The following RTN3 variants were observed in gnomAD, a reference collection of about 807,000 sequenced individuals.
The protein encoded by RTN3 is reticulon 3, also known as reticulon-3.
A neutral mutation model predicts 77.8 loss-of-function variants in RTN3; 49 were observed. The observed-to-expected ratio is 0.63, with a 90% confidence interval of 0.50 to 0.80. RTN3 has a LOEUF of 0.80. Among genes scored for constraint, RTN3 ranks in the 30% least tolerant of loss-of-function variants. The pLI is 0.00. For synonymous variants in RTN3, 464 were observed against 446.9 expected, an observed-to-expected ratio of 1.04 and a Z score of -0.48; for missense variants, 1,236 against 1,211.9, an observed-to-expected ratio of 1.02 and a Z score of -0.29.
chr11:63,707,862 A>G (rs1942574770), intron 2 of RTN3, among the ~76,000 whole-genome samples: 1 of 152,172 alleles, frequency 6.6e-6, no homozygotes, highest in African/African-American at 2.4e-5. Flanking sequence ...AGAATGCCCT[A>G]TCCTCGAATG....
At chr11:63,706,972 G>A (rs1439050815) in intron 2 of RTN3, among the ~76,000 whole-genome samples, 1 of 149,554 alleles carries the variant, frequency 6.7e-6, no homozygotes, top group Non-Finnish European at 1.5e-5. Context: ...TCTCAGCTCA[G>A]TGCAACCTCC....
chr11:63,714,276 G>A (rs2011264218), intron 2 of RTN3: 1 of 342,708 alleles, frequency 2.9e-6, no homozygotes, highest in Admixed American at 4.0e-5. Context: ...TCTACATGTG[G>A]GAAAGCTTGA....
intron 4 of RTN3, among the ~76,000 whole-genome samples, chr11:63,751,075 G>A (rs1270546700): frequency 6.6e-6 from 1 of 151,968 alleles, no homozygotes; most frequent in Non-Finnish European, 1.5e-5. Flanking sequence ...TACCATATTG[G>A]TCAGGCTGGT....
chr11:63,682,771 C>G (rs539678923), intron 1 of RTN3, among the ~76,000 whole-genome samples: 1 of 152,156 alleles, frequency 6.6e-6, no homozygotes, highest in South Asian at 2.1e-4. Flanking sequence ...ACGCGTCTGC[C>G]TGCTGGTAAG....
intron 3 of RTN3, among the ~76,000 whole-genome samples, chr11:63,748,691 G>A (rs1299012243): frequency 9.3e-5 from 12 of 128,454 alleles, no homozygotes; most frequent in Non-Finnish European, 6.5e-5. Context: ...TTTTTTAGAC[G>A]GAGTTTCGCT....
chr11:63,715,594 G>A (rs186827070), intron 2 of RTN3, among the ~76,000 whole-genome samples: 39 of 152,168 alleles, frequency 2.6e-4, no homozygotes, highest in African/African-American at 9.2e-4. Context: ...GGGGGCGGAG[G>A]TTGCAGTGAG....
chr11:63,757,293 A>G (rs771979146), intron 8 of RTN3, among the ~76,000 whole-genome samples: 24 of 152,106 alleles, frequency 1.6e-4, no homozygotes, highest in Non-Finnish European at 3.5e-4. Flanking sequence ...TCTTCTTTTT[A>G]CTTTTTTTCC....
At chr11:63,710,103 TCTAA>T (rs1392329538) in intron 2 of RTN3, among the ~76,000 whole-genome samples, 6 of 152,242 alleles carry the variant, frequency 3.9e-5, no homozygotes, top group South Asian at 2.1e-4. Flanking sequence ...TAAATCTTTA[TCTAA>T]GAGACACTTT....
At chr11:63,692,756 G>A (rs1482833111) in intron 1 of RTN3, among the ~76,000 whole-genome samples, 2 of 149,576 alleles carry the variant, frequency 1.3e-5, no homozygotes, top group African/African-American at 4.9e-5. Context: ...GCGAGACTCC[G>A]TCTCAAAAAA....
chr11:63,720,384 A>G lies in RTN3; in HGVS notation c.1882A>G (p.Asn628Asp), dbSNP rs755288155. The G allele has an allele frequency of 5.0e-6, 8 of 1,614,132 alleles. No individual in the cohort carries two copies. The change falls in exon 3 of 9, where the codon AAT becomes GAT. Residue 628 changes from asparagine (N) to aspartate (D), a missense_variant. Physicochemically the swap from Asn to Asp is conservative, Grantham distance 23 (BLOSUM62 1). This residue lies in a region of RTN3 where 1,056 missense variants were observed against 990.4 expected (regional missense o/e 1.07). Coordinates refer to ENST00000377819, the MANE Select transcript of RTN3 (RefSeq NM_001265589.2). ...NVFNETEFSL[N>D]VTTSAYLESL... The stretch of plus-strand genomic sequence containing the variant: ...TTTTAATGAGACAGAATTCTCATTA[A>G]ATGTGACAACATCTGCCTATTTGGA...
chr11:63,707,027 T>G (rs1316484093), intron 2 of RTN3, among the ~76,000 whole-genome samples: 2 of 151,818 alleles, frequency 1.3e-5, no homozygotes, highest in Non-Finnish European at 2.9e-5. Context: ...GCCTCCTGAG[T>G]AGCTGGGATT....
At chr11:63,686,192 C>T (rs1048803637) in intron 1 of RTN3, among the ~76,000 whole-genome samples, 4 of 152,194 alleles carry the variant, frequency 2.6e-5, no homozygotes, top group Middle Eastern at 3.4e-3. Context: ...GTAACTTGGC[C>T]GGGCACGGTG....
intron 7 of RTN3, 46 bp downstream of exon 7, chr11:63,753,754 A>C: frequency 6.6e-7 from 1 of 1,510,932 alleles, no homozygotes; most frequent in Non-Finnish European, 9.2e-7. Context: ...TTGATGTATG[A>C]CTAGTTGTAG....
At chr11:63,746,546 G>A (rs907878112) in intron 3 of RTN3, among the ~76,000 whole-genome samples, 3 of 150,624 alleles carry the variant, frequency 2.0e-5, no homozygotes, top group Non-Finnish European at 4.4e-5. Context: ...ACGGAGTCTC[G>A]CTCTGTTGCC....
Position 63,720,476 on chromosome 11 carries a change from T to C in RTN3, c.1974T>C (p.Phe658=). 6.2e-7 allele frequency: 1 copy of C among 1,613,368 alleles called. No homozygotes were observed. Among genetic ancestry groups the C allele is most frequent in the Non-Finnish European group, 8.5e-7 (1 of 1,179,820 alleles). Reference sequence around the variant, plus strand: ...CCCCAGAGGACCTGATAGCAGCCTTTACAGAAACCAGAGATAAAGGAATAG... The same window carrying C: ...CCCCAGAGGACCTGATAGCAGCCTTCACAGAAACCAGAGATAAAGGAATAG... ...DSSPEDLIAA[F]TETRDKGIVD... Residue 658 remains phenylalanine (F), a synonymous_variant, in exon 3 of 9, where the codon TTT becomes TTC. Transcript: ENST00000377819.
chr11:63,687,294 A>G (rs1243330633), intron 1 of RTN3, among the ~76,000 whole-genome samples: 1 of 152,186 alleles, frequency 6.6e-6, no homozygotes, highest in Non-Finnish European at 1.5e-5. Context: ...TTGGGATAAT[A>G]GTATCTATCT....
At chr11:63,705,520 C>T (rs889569723) in intron 2 of RTN3, among the ~76,000 whole-genome samples, 12 of 152,188 alleles carry the variant, frequency 7.9e-5, no homozygotes, top group African/African-American at 2.9e-4. Context: ...GCTCAGGAAA[C>T]ACCCAACCCC....
Position 63,751,710 on chromosome 11 carries a change from G to T in RTN3, c.2739-797G>T, listed in dbSNP as rs76370324. Among the ~76,000 whole-genome samples, 365 of 152,320 alleles carry T rather than the reference G, an allele frequency of 2.4e-3. 4 individuals are homozygous for T. The highest frequency in any genetic ancestry group is 7.6e-3 in the African/African-American group (315 of 41,570). On this transcript the variant is annotated intron_variant, in intron 4 of 8. Coordinates refer to ENST00000377819, the MANE Select transcript of RTN3 (RefSeq NM_001265589.2). ...ATGTGGCATTAAAAATTTTATTGCA[G>T]TTCAGGTGCGGTGACTTACGCATGT...
chr11:63,690,934 A>T (rs1941622532), intron 1 of RTN3, among the ~76,000 whole-genome samples: 1 of 152,088 alleles, frequency 6.6e-6, no homozygotes, highest in African/African-American at 2.4e-5. Flanking sequence ...TAGTGTATGC[A>T]CAAGGTTGTA....
Sources: gnomAD v4.1 joint callset for allele counts (sites outside exome capture counted in the v4.1 genomes callset) on GRCh38, gnomAD v4.1.1 for gene constraint, gnomAD v4.1.1 regional missense constraint, MANE v1.5 for transcripts, NCBI Gene and HGNC (gene_info 2026-07-23, HGNC 2026-07-21) for gene names.